SPAG16: variants seen among roughly 807,000 people sequenced by gnomAD.
SPAG16 encodes sperm associated antigen 16, also known as sperm-associated antigen 16 protein.
Under a neutral mutation model 80.4 loss-of-function variants are expected in SPAG16, and 86 were observed. That is an observed-to-expected ratio of 1.07 (90% confidence interval 0.90 to 1.28). The LOEUF is 1.28. SPAG16 is among the 50% of genes most tolerant of loss of function. SPAG16 has a pLI of 0.00. For missense variants in SPAG16, 870 were observed against 765.3 expected (o/e 1.14, Z -1.61); for synonymous variants, 294 against 265.9 (o/e 1.11, Z -1.03).
At chr2:213,744,292 T>C (rs188773703) in intron 10 of SPAG16, among the ~76,000 whole-genome samples, 417 of 152,286 alleles carry the variant, frequency 2.7e-3, no homozygotes, top group Admixed American at 4.7e-3. Flanking sequence ...TACAGTTATA[T>C]AATTGAGAAT....
intron 10 of SPAG16, among the ~76,000 whole-genome samples, chr2:213,826,764 A>G (rs182260753): frequency 2.6e-5 from 4 of 152,094 alleles, no homozygotes; most frequent in African/African-American, 7.2e-5. Flanking sequence ...CATTTGTTCT[A>G]TAGTATGGAT....
intron 10 of SPAG16, among the ~76,000 whole-genome samples, chr2:213,730,218 A>G (rs560313643): frequency 2.0e-5 from 3 of 152,340 alleles, no homozygotes; most frequent in Admixed American, 6.5e-5. Flanking sequence ...CACTCATTGT[A>G]ACACCAACTA....
intron 10 of SPAG16, among the ~76,000 whole-genome samples, chr2:213,821,718 A>C (rs746417925): frequency 1.3e-5 from 2 of 152,138 alleles, no homozygotes; most frequent in African/African-American, 2.4e-5. Flanking sequence ...TACCCTTCCT[A>C]GCATCTGGTA....
chr2:214,094,704 C>T (rs891190454), intron 13 of SPAG16, among the ~76,000 whole-genome samples: 3 of 152,028 alleles, frequency 2.0e-5, no homozygotes, highest in South Asian at 4.1e-4. Flanking sequence ...ACTAATGACC[C>T]TTTTATGCCT....
intron 13 of SPAG16, among the ~76,000 whole-genome samples, chr2:214,058,566 A>T (rs1278856468): frequency 2.6e-5 from 4 of 152,222 alleles, no homozygotes; most frequent in Non-Finnish European, 4.4e-5. Flanking sequence ...AAAATGTGAC[A>T]CAGAGACAAA....
intron 9 of SPAG16, among the ~76,000 whole-genome samples, chr2:213,407,796 CAGG>C (rs1463846602): frequency 8.3e-5 from 5 of 60,558 alleles, no homozygotes; most frequent in Non-Finnish European, 1.7e-4. Context: ...GGAAGAGAGA[CAGG>C]AGAGGCAGAG....
At chr2:214,045,366 T>C (rs528458392) in intron 13 of SPAG16, among the ~76,000 whole-genome samples, 5 of 152,286 alleles carry the variant, frequency 3.3e-5, no homozygotes, top group Admixed American at 2.6e-4. Context: ...AAAAAGCTCT[T>C]GGGCCCTGAA....
At chr2:213,516,344 G>A (rs553112610) in intron 10 of SPAG16, among the ~76,000 whole-genome samples, 32 of 152,134 alleles carry the variant, frequency 2.1e-4, no homozygotes, top group African/African-American at 5.1e-4. Context: ...GTGCCCATAC[G>A]TTACTAACAT....
chr2:213,763,244 A>G (rs1391327804), intron 10 of SPAG16, among the ~76,000 whole-genome samples: 2 of 152,204 alleles, frequency 1.3e-5, no homozygotes, highest in African/African-American at 4.8e-5. Context: ...AATCAAAAAC[A>G]GAACTATCAT....
intron 3 of SPAG16, among the ~76,000 whole-genome samples, chr2:213,300,192 C>T (rs750949755): frequency 6.6e-6 from 1 of 152,238 alleles, no homozygotes; most frequent in Non-Finnish European, 1.5e-5. Flanking sequence ...ACACCCAAGT[C>T]ATATAATTGT....
intron 1 of SPAG16, among the ~76,000 whole-genome samples, chr2:213,291,225 T>G (rs2062261487): frequency 6.6e-6 from 1 of 152,214 alleles, no homozygotes; most frequent in African/African-American, 2.4e-5. Flanking sequence ...ATTCATTAAT[T>G]GTTACATTTT....
chr2:213,989,017 C>T (rs1481746908), intron 12 of SPAG16, among the ~76,000 whole-genome samples: 4 of 151,942 alleles, frequency 2.6e-5, no homozygotes, highest in South Asian at 2.1e-4. Flanking sequence ...GCTAACAGGC[C>T]GGAGTTTCAA....
At chr2:213,582,131 C>G (rs534242356) in intron 10 of SPAG16, among the ~76,000 whole-genome samples, 1 of 152,146 alleles carries the variant, frequency 6.6e-6, no homozygotes, top group African/African-American at 2.4e-5. Context: ...ACCTTTTACT[C>G]TTGGAGAGTA....
intron 10 of SPAG16, among the ~76,000 whole-genome samples, chr2:213,833,825 C>T (rs13007561): frequency 0.25 from 37,115 of 150,138 alleles, 5,100 homozygotes; most frequent in Middle Eastern, 0.38. Flanking sequence ...AATTCAGACC[C>T]ATTAGTTATA....
chr2:214,046,906 G>GA (rs35035036), intron 13 of SPAG16, among the ~76,000 whole-genome samples: 19,526 of 145,320 alleles, frequency 0.13, 1,352 homozygotes, highest in Non-Finnish European at 0.15. Context: ...TAAACAATCT[G>GA]AAAAAAAAAA....
At chr2:214,116,693 G>A (rs2053951352) in intron 14 of SPAG16, among the ~76,000 whole-genome samples, 1 of 152,158 alleles carries the variant, frequency 6.6e-6, no homozygotes, top group Non-Finnish European at 1.5e-5. Flanking sequence ...TTCATCAACA[G>A]CCTAGGGACC....
At chr2:214,138,881 A>G (rs2055200899) in intron 14 of SPAG16, among the ~76,000 whole-genome samples, 1 of 152,132 alleles carries the variant, frequency 6.6e-6, no homozygotes, top group African/African-American at 2.4e-5. Context: ...ATGAATTTCT[A>G]TGAGGACACC....
chr2:213,941,429 TATTA>T (rs1287571939), intron 12 of SPAG16, among the ~76,000 whole-genome samples: 1 of 152,008 alleles, frequency 6.6e-6, no homozygotes, highest in Non-Finnish European at 1.5e-5. Flanking sequence ...CATACATATA[TATTA>T]ATTGACACAC....
At chr2:213,938,426 A>G (rs761029607) in intron 12 of SPAG16, among the ~76,000 whole-genome samples, 37 of 151,980 alleles carry the variant, frequency 2.4e-4, no homozygotes, top group Non-Finnish European at 4.1e-4. Context: ...ATGTATATAT[A>G]CTTATTTGTA....
Sources: gnomAD v4.1 joint callset for allele counts (sites outside exome capture counted in the v4.1 genomes callset) on GRCh38, gnomAD v4.1.1 for gene constraint, MANE v1.5 for transcripts, NCBI Gene and HGNC (gene_info 2026-07-23, HGNC 2026-07-21) for gene names.